DNAJC1: variants seen among roughly 807,000 people sequenced by gnomAD.
DNAJC1 encodes DnaJ heat shock protein family (Hsp40) member C1.
Under a neutral mutation model 76.6 loss-of-function variants are expected in DNAJC1, and 58 were observed. The observed-to-expected ratio is 0.76, with a 90% CI of 0.61 to 0.94. The LOEUF is 0.94. Ranked by LOEUF, DNAJC1 falls within the 40% of genes least tolerant of loss-of-function variation. DNAJC1 has a pLI of 0.00. For synonymous variants in DNAJC1, 258 were observed against 267.9 expected (o/e 0.96, Z 0.36); for missense variants, 689 against 677.3 (o/e 1.02, Z -0.19).
intron 9 of DNAJC1, among the ~76,000 whole-genome samples, chr10:21,797,188 A>G (rs898755669): frequency 6.6e-6 from 1 of 152,070 alleles, no homozygotes; most frequent in Non-Finnish European, 1.5e-5. Flanking sequence ...TCCAAGCACC[A>G]TTTTGGTGAA....
intron 8 of DNAJC1, among the ~76,000 whole-genome samples, chr10:21,850,792 T>G (rs1387054842): frequency 2.6e-5 from 4 of 152,082 alleles, no homozygotes; most frequent in Non-Finnish European, 5.9e-5. Context: ...GCTATTGTAA[T>G]CAAAATATTG....
At chr10:21,941,328 T>A (rs1348914524) in intron 1 of DNAJC1, among the ~76,000 whole-genome samples, 2 of 150,032 alleles carry the variant, frequency 1.3e-5, no homozygotes, top group African/African-American at 4.9e-5. Flanking sequence ...ATGGAACTTG[T>A]ATGGCCCCTG....
intron 8 of DNAJC1, among the ~76,000 whole-genome samples, chr10:21,816,372 C>T (rs1234922436): frequency 2.6e-5 from 4 of 151,824 alleles, no homozygotes; most frequent in Admixed American, 2.6e-4. Context: ...AAAGAAATGA[C>T]TATCCTTTTT....
intron 9 of DNAJC1, among the ~76,000 whole-genome samples, chr10:21,772,851 C>G (rs530338327): frequency 1.3e-5 from 2 of 152,096 alleles, no homozygotes; most frequent in South Asian, 4.1e-4. Context: ...GTACAGGAAG[C>G]GTGGCAGCAT....
At chr10:21,956,202 G>C (rs1407038833) in intron 1 of DNAJC1, among the ~76,000 whole-genome samples, 2 of 152,118 alleles carry the variant, frequency 1.3e-5, no homozygotes, top group African/African-American at 4.8e-5. Context: ...GAAGGGAAGA[G>C]GGCTGAACTT....
chr10:21,826,699 C>A (rs1007024125), intron 8 of DNAJC1, among the ~76,000 whole-genome samples: 8 of 152,054 alleles, frequency 5.3e-5, no homozygotes, highest in Non-Finnish European at 7.4e-5. Flanking sequence ...CGTAATAGTC[C>A]AATTTCACTC....
At chr10:21,885,661 A>G (rs1358536201) in intron 7 of DNAJC1, among the ~76,000 whole-genome samples, 1 of 152,236 alleles carries the variant, frequency 6.6e-6, no homozygotes, top group Non-Finnish European at 1.5e-5. Context: ...CAGTGCAATA[A>G]AAACAGAAGA....
At chr10:21,786,438 A>ATC (rs1160818882) in intron 9 of DNAJC1, among the ~76,000 whole-genome samples, 1 of 29,504 alleles carries the variant, frequency 3.4e-5, no homozygotes, top group East Asian at 1.1e-3. Context: ...ATATATATAT[A>ATC]TATATATATA....
chr10:21,932,206 G>A (rs1426059612), intron 1 of DNAJC1, among the ~76,000 whole-genome samples: 1 of 152,052 alleles, frequency 6.6e-6, no homozygotes, highest in Non-Finnish European at 1.5e-5. Context: ...TGGGTGTGGT[G>A]GCATGTGCCT....
intron 8 of DNAJC1, among the ~76,000 whole-genome samples, chr10:21,835,949 C>T (rs967704177): frequency 2.0e-5 from 3 of 152,192 alleles, no homozygotes; most frequent in East Asian, 1.9e-4. Flanking sequence ...AGGCAGGCCA[C>T]CATTCAAATT....
At chr10:21,892,115 T>C (rs1836471653) in intron 7 of DNAJC1, among the ~76,000 whole-genome samples, 1 of 151,988 alleles carries the variant, frequency 6.6e-6, no homozygotes, top group Non-Finnish European at 1.5e-5. Flanking sequence ...TATGTATATA[T>C]AACATACTTA....
At chr10:21,830,710 C>T (rs1835343414) in intron 8 of DNAJC1, among the ~76,000 whole-genome samples, 1 of 152,106 alleles carries the variant, frequency 6.6e-6, no homozygotes, top group African/African-American at 2.4e-5. Flanking sequence ...ATTAAACATT[C>T]TATCTTTAGT....
chr10:21,943,968 A>G (rs1364336612), intron 1 of DNAJC1, among the ~76,000 whole-genome samples: 1 of 152,192 alleles, frequency 6.6e-6, no homozygotes, highest in Non-Finnish European at 1.5e-5. Context: ...AAGCAACAGA[A>G]GCATGGCCTC....
intron 7 of DNAJC1, among the ~76,000 whole-genome samples, chr10:21,891,016 C>T (rs183164050): frequency 6.6e-6 from 1 of 152,178 alleles, no homozygotes; most frequent in Non-Finnish European, 1.5e-5. Flanking sequence ...CATGATGAAA[C>T]CCTGTCTCTA....
In DNAJC1 at chr10:22,003,267, A is replaced by C. The variant is rs1177583867; in HGVS notation, c.168T>G (p.Phe56Leu). Residue 56 changes from phenylalanine (F) to leucine (L), a missense_variant, in exon 1 of 12, where the codon TTT (phenylalanine) becomes TTG (leucine). Coordinates refer to ENST00000376980, the MANE Select transcript of DNAJC1 (RefSeq NM_022365.4). Reference sequence around the variant, plus strand: ...TGAGCTGCACCTCCTCCACTAAGTCAAACAACTCCAGGTCTCCGCTCTCCC... The same window carrying C: ...TGAGCTGCACCTCCTCCACTAAGTCCAACAACTCCAGGTCTCCGCTCTCCC... ...RGWESGDLEL[F>L]DLVEEVQLNF... The C allele has an allele frequency of 6.4e-7, 1 of 1,559,580 alleles. No individual in the cohort carries two copies. The highest frequency in any genetic ancestry group is 1.2e-5 in the South Asian group (1 of 83,668).
Position 21,773,625 on chromosome 10 carries a change from T to C in DNAJC1, c.1099-7316A>G, listed in dbSNP as rs1056435381. ...TGTTAGATGGCGTGTTTTAGAAATATGTTAGGTGAAAGGGAGGTATTGAAA... is the reference window on the plus strand; with the variant it reads ...TGTTAGATGGCGTGTTTTAGAAATACGTTAGGTGAAAGGGAGGTATTGAAA... On this transcript the variant is annotated intron_variant, in intron 9 of 11. Transcript: ENST00000376980. Among the ~76,000 whole-genome samples the C allele has an allele frequency of 5.9e-5, 9 of 152,328 alleles. 1 individual carries two copies. The highest frequency in any genetic ancestry group is 7.3e-5 in the Non-Finnish European group (5 of 68,032).
intron 8 of DNAJC1, among the ~76,000 whole-genome samples, chr10:21,848,308 T>G (rs1835693410): frequency 6.6e-6 from 1 of 152,186 alleles, no homozygotes; most frequent in South Asian, 2.1e-4. Context: ...AATCAGATTA[T>G]TTGCTATTGA....
chr10:21,781,548 C>T (rs918078489), intron 9 of DNAJC1, among the ~76,000 whole-genome samples: 3 of 151,786 alleles, frequency 2.0e-5, no homozygotes, highest in Non-Finnish European at 4.4e-5. Flanking sequence ...GGTGAAACCC[C>T]GTCTCTACTA....
intron 6 of DNAJC1, among the ~76,000 whole-genome samples, chr10:21,911,718 T>C (rs2131756054): frequency 6.6e-6 from 1 of 152,320 alleles, no homozygotes; most frequent in Middle Eastern, 3.4e-3. Context: ...TTAATGATGG[T>C]TTAACAGAAC....
Sources: allele counts gnomAD v4.1 joint callset (sites outside exome capture counted in the v4.1 genomes callset), GRCh38; gene constraint gnomAD v4.1.1; transcripts MANE v1.5; gene names NCBI Gene and HGNC (gene_info 2026-07-23, HGNC 2026-07-21).